Variants in AKAP13 observed in about 807,000 individuals in gnomAD.
AKAP13 encodes the protein A-kinase anchor protein 13.
AKAP13 carries 80 observed loss-of-function variants against 264.5 expected under a neutral mutation model. The observed-to-expected ratio is 0.30, with a 90% confidence interval of 0.25 to 0.36. The LOEUF (loss-of-function observed/expected upper bound fraction) is 0.36, where lower values mean the gene tolerates loss of function less well. Ranked by LOEUF, AKAP13 falls within the 10% of genes least tolerant of loss-of-function variation. The pLI, the probability that AKAP13 is intolerant of heterozygous loss-of-function variation, is 1.00. For synonymous variants in AKAP13, 1,380 were observed against 1,250.2 expected, an observed-to-expected ratio of 1.10 and a Z score of -2.19; for missense variants, 3,712 against 3,435.2, an observed-to-expected ratio of 1.08 and a Z score of -2.01.
intron 2 of AKAP13, among the ~76,000 whole-genome samples, chr15:85,512,913 G>A (rs1460189276): frequency 6.6e-6 from 1 of 152,100 alleles, no homozygotes; most frequent in Non-Finnish European, 1.5e-5. Context: ...CTGGAGTGCA[G>A]TGGTGTGATC....
At chr15:85,671,132 T>C (rs1205925179) in intron 14 of AKAP13, among the ~76,000 whole-genome samples, 1 of 152,140 alleles carries the variant, frequency 6.6e-6, no homozygotes, top group African/African-American at 2.4e-5. Context: ...CTGGTGTTTA[T>C]GGGGTTTCCT....
intron 33 of AKAP13, among the ~76,000 whole-genome samples, chr15:85,738,713 C>G (rs2151775094): frequency 6.6e-6 from 1 of 151,716 alleles, no homozygotes; most frequent in East Asian, 1.9e-4. Flanking sequence ...TGGCGGGCGC[C>G]TGTAGTCCCA....
intron 1 of AKAP13, among the ~76,000 whole-genome samples, chr15:85,466,379 T>C (rs2074742350): frequency 6.6e-6 from 1 of 152,216 alleles, no homozygotes; most frequent in African/African-American, 2.4e-5. Flanking sequence ...TTGTCAATTT[T>C]GGCTTTTGTT....
intron 17 of AKAP13, among the ~76,000 whole-genome samples, chr15:85,700,508 T>G (rs1226903437): frequency 6.6e-6 from 1 of 152,114 alleles, no homozygotes; most frequent in African/African-American, 2.4e-5. Flanking sequence ...ATCACTTGTG[T>G]AGGGTTTGGT....
chr15:85,724,440 C>G lies in AKAP13; in HGVS notation c.6745+1120C>G, dbSNP rs1350420943. On this transcript the variant is annotated intron_variant, in intron 26 of 36. Coordinates refer to ENST00000394518, the MANE Select transcript of AKAP13 (RefSeq NM_007200.5). This position sits in a 1 kb window ranked among gnomAD's most constrained non-coding sequence, Gnocchi z 4.2. ...ACATAAGGAGAAAGTGTTCCCCACACTAAGGAAGAGAAAGTGGAAGCACAG... is the reference window on the plus strand; with the variant it reads ...ACATAAGGAGAAAGTGTTCCCCACAGTAAGGAAGAGAAAGTGGAAGCACAG... 6.6e-6 allele frequency among the ~76,000 whole-genome samples: 1 copy of G among 151,866 alleles called. No homozygotes were observed. The highest frequency in any genetic ancestry group is 1.5e-5 in the Non-Finnish European group (1 of 68,010).
chr15:85,730,997 C>CTTTTTTTTTTTTTTTTTTT (rs71468134), intron 30 of AKAP13, among the ~76,000 whole-genome samples: 1 of 57,380 alleles, frequency 1.7e-5, no homozygotes, highest in Admixed American at 3.0e-4. Flanking sequence ...GTCACTTATG[C>CTTTTTTTTTTTTTTTTTTT]TTTTTTTTTT....
chr15:85,452,221 T>G (rs1206698280), intron 1 of AKAP13, among the ~76,000 whole-genome samples: 2 of 32,796 alleles, frequency 6.1e-5, no homozygotes, highest in African/African-American at 2.0e-4. Flanking sequence ...CCCTTAGGGT[T>G]TTTTTTTTTT....
At chr15:85,702,610 C>T (rs938301099) in intron 17 of AKAP13, 2 of 152,108 alleles carry the variant, frequency 1.3e-5, no homozygotes, top group Non-Finnish European at 1.5e-5. Context: ...GTTTGGCTGA[C>T]CCCTGGATAG....
At chr15:85,412,744 A>T (rs1304775537) in intron 1 of AKAP13, among the ~76,000 whole-genome samples, 2 of 152,226 alleles carry the variant, frequency 1.3e-5, no homozygotes, top group Non-Finnish European at 2.9e-5. Flanking sequence ...GATCCTCATG[A>T]AATACTTTAG....
intron 8 of AKAP13, among the ~76,000 whole-genome samples, chr15:85,631,126 A>G (rs1378517044): frequency 2.6e-5 from 4 of 152,212 alleles, no homozygotes; most frequent in South Asian, 2.1e-4. Context: ...ACATGCTTCA[A>G]CATGGGTGAA....
chr15:85,561,097 G>T (rs1229138777), intron 5 of AKAP13, among the ~76,000 whole-genome samples: 1 of 129,108 alleles, frequency 7.7e-6, no homozygotes, highest in Admixed American at 9.2e-5. Context: ...TTGACTCGCC[G>T]CCCAGGCTGG....
At chr15:85,700,969 G>A (rs946788206) in intron 17 of AKAP13, 2 of 152,168 alleles carry the variant, frequency 1.3e-5, no homozygotes, top group African/African-American at 4.8e-5. Flanking sequence ...CACGTTTTTA[G>A]TTCATCACAG....
At chr15:85,428,882 C>G (rs1239374789) in intron 1 of AKAP13, among the ~76,000 whole-genome samples, 1 of 152,176 alleles carries the variant, frequency 6.6e-6, no homozygotes, top group Non-Finnish European at 1.5e-5. Context: ...GAGTTTCCAC[C>G]TGGAGAGGAA....
intron 2 of AKAP13, among the ~76,000 whole-genome samples, chr15:85,516,104 T>G (rs1171538259): frequency 2.0e-5 from 3 of 152,222 alleles, no homozygotes; most frequent in African/African-American, 7.2e-5. Context: ...CCTTTCTGTC[T>G]CTTCAGATGC....
intron 8 of AKAP13, 39 bp from the exon 9 acceptor site, chr15:85,639,335 C>T (rs564383632): frequency 7.0e-7 from 1 of 1,432,498 alleles, no homozygotes; most frequent in African/African-American, 1.4e-5. Context: ...TCTCACATTA[C>T]TTCAATGTCT....
chr15:85,393,203 G>A (rs34420985), intron 1 of AKAP13, among the ~76,000 whole-genome samples: 38,743 of 152,138 alleles, frequency 0.25, 6,588 homozygotes, highest in Non-Finnish European at 0.38. Context: ...TGGATGCTTT[G>A]TACACAGAGT....
At chr15:85,397,645 C>A (rs575477923) in intron 1 of AKAP13, among the ~76,000 whole-genome samples, 1 of 152,242 alleles carries the variant, frequency 6.6e-6, no homozygotes, top group South Asian at 2.1e-4. Flanking sequence ...CTTATCTCTG[C>A]AAGGAAGGTA....
At chr15:85,568,900 C>G (rs567719438) in intron 5 of AKAP13, among the ~76,000 whole-genome samples, 1 of 152,144 alleles carries the variant, frequency 6.6e-6, no homozygotes, top group African/African-American at 2.4e-5. Flanking sequence ...AGTGAAGGCC[C>G]TAGGGTAATT....
At chr15:85,688,422 A>T (rs2085069622) in intron 16 of AKAP13, among the ~76,000 whole-genome samples, 1 of 152,224 alleles carries the variant, frequency 6.6e-6, no homozygotes. Flanking sequence ...AACTAGACCT[A>T]CATCTTTTAA....
Sources: allele counts gnomAD v4.1 joint callset (sites outside exome capture counted in the v4.1 genomes callset), GRCh38; gene constraint gnomAD v4.1.1; non-coding constraint Gnocchi (gnomAD v3.1); transcripts MANE v1.5; gene names NCBI Gene and HGNC (gene_info 2026-07-23, HGNC 2026-07-21).